Variants in LRRC4B observed in about 807,000 individuals in gnomAD.
LRRC4B encodes the protein leucine rich repeat containing 4B.
In LRRC4B, 1 loss-of-function variant was observed where a neutral mutation model predicts 7.3. That is an observed-to-expected ratio of 0.14 (90% CI 0.05 to 0.65). The LOEUF is 0.65. Ranked by LOEUF, LRRC4B falls within the 30% of genes least tolerant of loss-of-function variation. LRRC4B has a pLI of 0.84. For missense variants in LRRC4B, 730 were observed against 1,041.6 expected (o/e 0.70, Z 4.12); for synonymous variants, 500 against 499.2 (o/e 1.00, Z -0.02).
intron 2 of LRRC4B, among the ~76,000 whole-genome samples, chr19:50,526,659 A>G (rs1270797698): frequency 6.6e-6 from 1 of 152,238 alleles, no homozygotes; most frequent in African/African-American, 2.4e-5. Context: ...CCTAGGCAAT[A>G]AGGTGAAACC....
At chr19:50,565,340 T>C (rs1042864095) in intron 1 of LRRC4B, among the ~76,000 whole-genome samples, 1 of 152,196 alleles carries the variant, frequency 6.6e-6, no homozygotes, top group South Asian at 2.1e-4. Context: ...CCTGCCTTTG[T>C]CTCTCCCTCC....
rs2122746984 is a variant in LRRC4B at position 50,516,989 on chromosome 19, T to G, written c.*582A>C. 6.8e-6 allele frequency: 1 copy of G among 146,928 alleles called. No individual in the cohort carries two copies. Among genetic ancestry groups the G allele is most frequent in the East Asian group, 2.1e-4 (1 of 4,680 alleles). The allele number at this position is 146,928 out of a possible 1,614,324, so 9.1% of individuals were successfully genotyped here. Reference sequence around the variant, plus strand: ...CGTTGACGCAAACCTCCCTTCAGTATCAAAAGTGTCTGTGGGGCAGGTGGG... The same window carrying G: ...CGTTGACGCAAACCTCCCTTCAGTAGCAAAAGTGTCTGTGGGGCAGGTGGG... On this transcript the variant is annotated 3_prime_UTR_variant, in exon 3 of 3. Transcript: ENST00000652263.
chr19:50,549,442 G>A (rs538616248), intron 1 of LRRC4B, among the ~76,000 whole-genome samples: 79 of 151,688 alleles, frequency 5.2e-4, no homozygotes, highest in Middle Eastern at 3.4e-3. Context: ...GGATGTTAGC[G>A]AAGAGATGCA....
chr19:50,550,480 C>A (rs1332098258), intron 1 of LRRC4B, among the ~76,000 whole-genome samples: 1 of 151,792 alleles, frequency 6.6e-6, no homozygotes, highest in African/African-American at 2.4e-5. Context: ...TCACGGTGGA[C>A]TCTCAGGACC....
intron 2 of LRRC4B, among the ~76,000 whole-genome samples, chr19:50,541,184 A>C (rs1338423336): frequency 7.1e-6 from 1 of 140,062 alleles, no homozygotes; most frequent in African/African-American, 2.7e-5. Flanking sequence ...GCTCTGTCTC[A>C]AAAAAAAAAA....
intron 1 of LRRC4B, among the ~76,000 whole-genome samples, chr19:50,554,228 C>T (rs1982198157): frequency 6.6e-6 from 1 of 152,080 alleles, no homozygotes; most frequent in Non-Finnish European, 1.5e-5. Context: ...CTCCTGACCT[C>T]CAGTGATCCA....
chr19:50,567,826 C>T (rs1401292132), intron 1 of LRRC4B, 118 bp downstream of exon 1: 1 of 139,924 alleles, frequency 7.1e-6, no homozygotes, highest in East Asian at 2.2e-4. Flanking sequence ...GCCATCCCCC[C>T]CCATCCCGGA....
At chr19:50,554,366 C>T (rs1049046051) in intron 1 of LRRC4B, among the ~76,000 whole-genome samples, 2 of 152,058 alleles carry the variant, frequency 1.3e-5, no homozygotes, top group African/African-American at 2.4e-5. Flanking sequence ...GGTCACCCTC[C>T]GTGCCCCAGC....
intron 2 of LRRC4B, among the ~76,000 whole-genome samples, chr19:50,538,368 A>G (rs899258368): frequency 3.3e-5 from 5 of 151,560 alleles, no homozygotes; most frequent in African/African-American, 1.2e-4. Flanking sequence ...CGGCCCTCCC[A>G]CCGTTTTCTT....
At chr19:50,560,048 T>C (rs1982415814) in intron 1 of LRRC4B, among the ~76,000 whole-genome samples, 1 of 152,128 alleles carries the variant, frequency 6.6e-6, no homozygotes, top group Non-Finnish European at 1.5e-5. Flanking sequence ...GGCAGGAGAA[T>C]CACTTGAACC....
chr19:50,552,589 T>TGTCCATCCATCC (rs1982114005), intron 1 of LRRC4B, among the ~76,000 whole-genome samples: 1 of 104,374 alleles, frequency 9.6e-6, no homozygotes, highest in African/African-American at 4.0e-5. Flanking sequence ...TCCATCCATC[T>TGTCCATCCATCC]GTCCATCCAT....
chr19:50,544,972 C>T (rs151085125), intron 2 of LRRC4B, among the ~76,000 whole-genome samples: 2,891 of 151,960 alleles, frequency 0.019, 93 homozygotes, highest in African/African-American at 0.065. Context: ...ATTAGCCGGA[C>T]GTGGTGGGTG....
intron 2 of LRRC4B, among the ~76,000 whole-genome samples, chr19:50,532,701 C>G (rs1203641045): frequency 1.3e-5 from 2 of 152,222 alleles, no homozygotes; most frequent in Non-Finnish European, 2.9e-5. Flanking sequence ...ACACGTCTGT[C>G]TCCTTGTCTA....
chr19:50,541,998 C>A (rs933009654), intron 2 of LRRC4B, among the ~76,000 whole-genome samples: 1 of 152,146 alleles, frequency 6.6e-6, no homozygotes, highest in African/African-American at 2.4e-5. Context: ...ACAGGCCGAG[C>A]GAACACAGTG....
chr19:50,527,671 A>C (rs1980872666), intron 2 of LRRC4B, among the ~76,000 whole-genome samples: 1 of 151,132 alleles, frequency 6.6e-6, no homozygotes, highest in South Asian at 2.1e-4. Context: ...TGACAGGGTG[A>C]TCTTTCCTTT....
At chr19:50,527,976 C>T (rs1039836404) in intron 2 of LRRC4B, among the ~76,000 whole-genome samples, 3 of 151,886 alleles carry the variant, frequency 2.0e-5, no homozygotes, top group South Asian at 2.1e-4. Flanking sequence ...CTCCTGACCT[C>T]GTGATCTGCC....
At chr19:50,539,595 A>G (rs1364437347) in intron 2 of LRRC4B, among the ~76,000 whole-genome samples, 4 of 151,842 alleles carry the variant, frequency 2.6e-5, no homozygotes, top group African/African-American at 9.7e-5. Context: ...TGTTCTGATT[A>G]TAAAAGTTAT....
chr19:50,552,897 G>A (rs1982150739), intron 1 of LRRC4B, among the ~76,000 whole-genome samples: 1 of 152,216 alleles, frequency 6.6e-6, no homozygotes, highest in Non-Finnish European at 1.5e-5. Flanking sequence ...CTCGAGAGTG[G>A]GGCACATTGG....
chr19:50,535,468 G>A (rs968267251), intron 2 of LRRC4B, among the ~76,000 whole-genome samples: 1 of 152,168 alleles, frequency 6.6e-6, no homozygotes, highest in Non-Finnish European at 1.5e-5. Flanking sequence ...CACTGCACTC[G>A]GCCTGTTTTT....
Sources: gnomAD v4.1 joint callset for allele counts (sites outside exome capture counted in the v4.1 genomes callset) on GRCh38, gnomAD v4.1.1 for gene constraint, MANE v1.5 for transcripts, NCBI Gene and HGNC (gene_info 2026-07-23, HGNC 2026-07-21) for gene names.